The following XPO4 variants were observed in gnomAD, a reference collection of about 807,000 sequenced individuals.
The protein encoded by XPO4 is exportin 4, also known as exportin-4.
In XPO4, 39 loss-of-function variants were observed where a neutral mutation model predicts 143.0. The ratio of observed to expected loss-of-function variants is 0.27; its 90% CI spans 0.21 to 0.36. XPO4 has a LOEUF of 0.36. Ranked by LOEUF, XPO4 falls within the 10% of genes least tolerant of loss-of-function variation. The pLI is 1.00. For missense variants in XPO4, 907 were observed against 1,348.0 expected, an observed-to-expected ratio of 0.67 and a Z score of 5.12; for synonymous variants, 439 against 474.0, an observed-to-expected ratio of 0.93 and a Z score of 0.96.
intron 1 of XPO4, chr13:20,869,411 T>C: frequency 5.4e-6 from 3 of 555,766 alleles, no homozygotes; most frequent in Non-Finnish European, 2.3e-6. Context: ...TCCTGTTACA[T>C]GGTTTAGTTA....
At position 20,842,489 on chromosome 13, in the gene XPO4, TA is replaced by T. The variant is rs1412749139; in HGVS notation, c.727+405del. Among the ~76,000 whole-genome samples, 7 of 152,280 alleles carry T rather than the reference TA, an allele frequency of 4.6e-5. No individual in the cohort carries two copies. In the South Asian group the frequency reaches 1.4e-3, roughly 32 times the overall value. ...GAACAACATCACCATCCATAAAGATTAAATTAGAGCACTCCAAACTAGCTTT... is the reference window on the plus strand; with the variant it reads ...GAACAACATCACCATCCATAAAGATTAATTAGAGCACTCCAAACTAGCTTT... On this transcript the variant is annotated intron_variant, in intron 6 of 22. Coordinates refer to ENST00000255305, the MANE Select transcript of XPO4 (RefSeq NM_022459.5).
At chr13:20,867,072 A>C (rs1241649288) in intron 2 of XPO4, among the ~76,000 whole-genome samples, 2 of 152,218 alleles carry the variant, frequency 1.3e-5, no homozygotes, top group Non-Finnish European at 2.9e-5. Context: ...GGATGAATTA[A>C]TGCTTCCTTA....
At chr13:20,862,970 T>C in intron 2 of XPO4, 112 bp from the exon 3 acceptor site, 1 of 1,513,390 alleles carries the variant, frequency 6.6e-7, no homozygotes, top group Non-Finnish European at 8.8e-7. Flanking sequence ...GATGGTTACC[T>C]GTTCTTTTTT....
intron 6 of XPO4, among the ~76,000 whole-genome samples, chr13:20,839,427 A>C (rs897821064): frequency 3.3e-5 from 5 of 152,230 alleles, no homozygotes; most frequent in Admixed American, 1.3e-4. Context: ...GGATGATGAA[A>C]ATGTTCTAAA....
chr13:20,814,166 T>C (rs188951903), intron 9 of XPO4, among the ~76,000 whole-genome samples: 147 of 135,496 alleles, frequency 1.1e-3, no homozygotes, highest in African/African-American at 3.7e-3. Flanking sequence ...AATTTAGGAA[T>C]AGCATCCTCT....
Position 20,851,990 on chromosome 13 carries a change from A to ATC in XPO4, c.456+3636_456+3637insGA, listed in dbSNP as rs558814762. The ATC allele has an allele frequency of 6.9e-5, 68 of 985,418 alleles. No individual in the cohort carries two copies. In the African/African-American group the frequency reaches 1.1e-3, roughly 16 times the overall value. 61.0% of individuals were successfully genotyped at this position (985,418 alleles called of 1,614,324 possible). Reference sequence around the variant, plus strand: ...CAAATTACCCAAGGGGAAAGGAAGCAGAGAACTCAGTTCCCAAGTATGTGC... The same window carrying ATC: ...CAAATTACCCAAGGGGAAAGGAAGCATCGAGAACTCAGTTCCCAAGTATGTGC... On this transcript the variant is annotated intron_variant, in intron 4 of 22. Coordinates refer to ENST00000255305, the MANE Select transcript of XPO4 (RefSeq NM_022459.5).
chr13:20,837,273 G>A (rs1370707158), intron 6 of XPO4, among the ~76,000 whole-genome samples: 1 of 152,124 alleles, frequency 6.6e-6, no homozygotes, highest in Non-Finnish European at 1.5e-5. Context: ...CCAATAGATG[G>A]CAGTAGCATT....
rs1361165947 is a variant in XPO4 at position 20,783,813 on chromosome 13, G to A, written c.3365C>T (p.Pro1122Leu). 1.2e-6 allele frequency: 2 copies of A among 1,614,232 alleles called. No individual in the cohort carries two copies. The highest frequency in any genetic ancestry group is 8.5e-7 in the Non-Finnish European group (1 of 1,180,038). The change falls in exon 23 of 23, where the codon CCT becomes CTT. Residue 1122 changes from proline to leucine, a missense_variant. Physicochemically the swap from Pro to Leu is moderately conservative, Grantham distance 98. Transcript: ENST00000255305. ...AFNKLTASSTPPTLDRKQKMA... is the reference protein window; with the variant it reads ...AFNKLTASSTLPTLDRKQKMA... ...CTTCTGCTTCCGATCCAGCGTAGGA[G>A]GAGTGCTGCTTGCAGTGAGCTTGTT...
intron 5 of XPO4, 117 bp downstream of exon 5, chr13:20,843,653 C>T: frequency 4.3e-6 from 3 of 704,880 alleles, no homozygotes; most frequent in South Asian, 3.9e-5. Context: ...AAAACAAATC[C>T]TGAAGTACAG....
chr13:20,862,023 A>G (rs4770077), intron 3 of XPO4, among the ~76,000 whole-genome samples: 100,387 of 151,830 alleles, frequency 0.66, 33,898 homozygotes, highest in East Asian at 1. Context: ...TCTTGACCTC[A>G]TGATCTGCCT....
intron 3 of XPO4, chr13:20,859,771 G>T: frequency 1.3e-6 from 1 of 778,428 alleles, no homozygotes; most frequent in Non-Finnish European, 1.6e-6. Context: ...GCAAGGCTCT[G>T]TCTCAAAAAA....
intron 4 of XPO4, among the ~76,000 whole-genome samples, chr13:20,845,252 T>C (rs1253620318): frequency 1.3e-5 from 2 of 152,204 alleles, no homozygotes; most frequent in Admixed American, 1.3e-4. Flanking sequence ...ATATAGCTAA[T>C]ATTTATGAAA....
chr13:20,828,899 A>G (rs182517893), intron 6 of XPO4, among the ~76,000 whole-genome samples: 88 of 152,294 alleles, frequency 5.8e-4, no homozygotes, highest in Non-Finnish European at 1.0e-3. Flanking sequence ...CAATACTACA[A>G]TATACTGATT....
At chr13:20,874,295 C>CTTCT (rs1332431270) in intron 1 of XPO4, among the ~76,000 whole-genome samples, 2 of 152,148 alleles carry the variant, frequency 1.3e-5, no homozygotes, top group Admixed American at 6.5e-5. Context: ...AGCTACAAAA[C>CTTCT]TAGAAAAGAA....
rs973882519 is a variant in XPO4, at chr13:20,846,563, T to C, written c.457-2677A>G. The stretch of plus-strand genomic sequence containing the variant: ...AGTACATTCTTAATCGATGAGAATT[T>C]AGAACAAAATGCACTTATAGACTTA... On this transcript the variant is annotated intron_variant, in intron 4 of 22. Transcript: ENST00000255305. 3.3e-5 allele frequency among the ~76,000 whole-genome samples: 5 copies of C among 152,232 alleles called. No individual in the cohort carries two copies. In the South Asian group the frequency reaches 6.2e-4, roughly 19 times the overall value.
intron 6 of XPO4, among the ~76,000 whole-genome samples, chr13:20,828,055 TG>T (rs2059806344): frequency 6.6e-6 from 1 of 152,108 alleles, no homozygotes; most frequent in Non-Finnish European, 1.5e-5. Context: ...CTGGCCAACA[TG>T]GTGAAACCCA....
At chr13:20,881,798 G>C (rs1432439029) in intron 1 of XPO4, among the ~76,000 whole-genome samples, 2 of 151,920 alleles carry the variant, frequency 1.3e-5, no homozygotes, top group South Asian at 2.1e-4. Flanking sequence ...TCAAAGAACA[G>C]ATTAGATACA....
intron 1 of XPO4, among the ~76,000 whole-genome samples, chr13:20,899,391 T>G (rs1566634563): frequency 6.6e-6 from 1 of 151,516 alleles, no homozygotes; most frequent in South Asian, 2.1e-4. Flanking sequence ...GGGAGTCTGG[T>G]GATCTCAGCC....
At chr13:20,867,423 A>C (rs1339712046) in intron 2 of XPO4, among the ~76,000 whole-genome samples, 7 of 152,262 alleles carry the variant, frequency 4.6e-5, no homozygotes, top group Non-Finnish European at 8.8e-5. Flanking sequence ...CACTGTTCAC[A>C]AAGTGCTTTT....
Sources: allele counts gnomAD v4.1 joint callset (sites outside exome capture counted in the v4.1 genomes callset), GRCh38; gene constraint gnomAD v4.1.1; transcripts MANE v1.5; gene names NCBI Gene and HGNC (gene_info 2026-07-23, HGNC 2026-07-21).